The following LRP1B variants were observed in gnomAD, a reference collection of about 807,000 sequenced individuals.
LRP1B encodes the protein low-density lipoprotein receptor-related protein 1B.
A neutral mutation model predicts 556.6 loss-of-function variants in LRP1B; 217 were observed. The observed-to-expected ratio is 0.39, with a 90% CI of 0.35 to 0.44. LRP1B has a LOEUF of 0.44. Among genes scored for constraint, LRP1B ranks in the 20% least tolerant of loss-of-function variants. LRP1B has a pLI of 1.00. For synonymous variants in LRP1B, 2,047 were observed against 1,865.8 expected, an observed-to-expected ratio of 1.10 and a Z score of -2.50; for missense variants, 5,053 against 5,620.8, an observed-to-expected ratio of 0.90 and a Z score of 3.23.
intron 1 of LRP1B, among the ~76,000 whole-genome samples, chr2:142,016,168 TAGTC>T (rs1313887695): frequency 2.6e-5 from 4 of 151,892 alleles, no homozygotes; most frequent in East Asian, 1.9e-4. Flanking sequence ...GATCATTAAA[TAGTC>T]AGGAAACAGA....
intron 1 of LRP1B, among the ~76,000 whole-genome samples, chr2:142,127,572 G>C (rs1003319441): frequency 8.6e-5 from 13 of 151,866 alleles, no homozygotes; most frequent in African/African-American, 1.9e-4. Flanking sequence ...ATTTGAGCTT[G>C]AGAAGAGAGA....
intron 59 of LRP1B, among the ~76,000 whole-genome samples, chr2:140,475,956 A>G (rs1687956308): frequency 6.6e-6 from 1 of 151,996 alleles, no homozygotes; most frequent in South Asian, 2.1e-4. Flanking sequence ...TTCCATTATC[A>G]CAGAAAGTTC....
chr2:141,259,875 G>A (rs1314407503), intron 3 of LRP1B, among the ~76,000 whole-genome samples: 4 of 149,968 alleles, frequency 2.7e-5, no homozygotes, highest in African/African-American at 9.8e-5. Flanking sequence ...CTGACACATA[G>A]TAACTATTTT....
At chr2:141,913,977 A>G (rs1699969966) in intron 1 of LRP1B, among the ~76,000 whole-genome samples, 1 of 152,008 alleles carries the variant, frequency 6.6e-6, no homozygotes, top group African/African-American at 2.4e-5. Flanking sequence ...CGATCTCCTG[A>G]CCTCATGATC....
Position 141,266,614 on chromosome 2 carries a change from G to A in LRP1B, c.344-11973C>T, listed in dbSNP as rs143515482. 6.8e-3 allele frequency among the ~76,000 whole-genome samples: 1,040 copies of A among 152,242 alleles called. 4 individuals are homozygous for A. Among genetic ancestry groups the A allele is most frequent in the Non-Finnish European group, 0.012 (843 of 68,010 alleles). On this transcript the variant is annotated intron_variant, in intron 3 of 90. Transcript: ENST00000389484. ...CCTGCAAGTTAAGAAATCACTCAGA[G>A]AAAGAGCCCCAACCACCTCAACTCA... is the stretch of plus-strand genomic sequence containing the variant.
At chr2:140,891,025 T>C (rs1693781848) in intron 23 of LRP1B, among the ~76,000 whole-genome samples, 1 of 152,130 alleles carries the variant, frequency 6.6e-6, no homozygotes, top group Admixed American at 6.5e-5. Flanking sequence ...TTCTATCTCA[T>C]AAACGACTGA....
At chr2:141,536,995 T>G (rs947846461) in intron 2 of LRP1B, among the ~76,000 whole-genome samples, 1 of 150,772 alleles carries the variant, frequency 6.6e-6, no homozygotes, top group African/African-American at 2.4e-5. Flanking sequence ...AAATGATAAA[T>G]GAGAAAAGAA....
At chr2:141,717,904 A>G (rs531277740) in intron 2 of LRP1B, among the ~76,000 whole-genome samples, 6 of 152,354 alleles carry the variant, frequency 3.9e-5, no homozygotes, top group Admixed American at 2.0e-4. Context: ...ACATTAAACA[A>G]CTATCCAAGT....
chr2:140,608,818 A>G (rs1263264838), intron 41 of LRP1B, among the ~76,000 whole-genome samples: 1 of 150,748 alleles, frequency 6.6e-6, no homozygotes. Flanking sequence ...TTAAAGTGAC[A>G]GTGATTTGTT....
chr2:140,779,586 T>G (rs1414025267), intron 32 of LRP1B, among the ~76,000 whole-genome samples: 1 of 150,936 alleles, frequency 6.6e-6, no homozygotes, highest in African/African-American at 2.4e-5. Flanking sequence ...TCCCAGCTAC[T>G]CAGGAGGCTG....
At chr2:141,331,705 G>T (rs1411877319) in intron 3 of LRP1B, among the ~76,000 whole-genome samples, 1 of 152,180 alleles carries the variant, frequency 6.6e-6, no homozygotes, top group Admixed American at 6.5e-5. Flanking sequence ...AGGATAGGGA[G>T]CATTCTTTGT....
chr2:140,804,648 AATTTTTTTT>A (rs1184657670), intron 32 of LRP1B, among the ~76,000 whole-genome samples: 32 of 103,892 alleles, frequency 3.1e-4, no homozygotes, highest in Admixed American at 1.1e-3. Flanking sequence ...GGTAAAAACT[AATTTTTTTT>A]TTTTTTTTTT....
intron 27 of LRP1B, among the ~76,000 whole-genome samples, chr2:140,866,376 T>C (rs1244207149): frequency 1.3e-5 from 2 of 152,120 alleles, no homozygotes; most frequent in African/African-American, 4.8e-5. Context: ...ATTCAATATA[T>C]CTACTAAATC....
intron 41 of LRP1B, among the ~76,000 whole-genome samples, chr2:140,697,584 A>C (rs1686477175): frequency 6.6e-6 from 1 of 152,166 alleles, no homozygotes; most frequent in Admixed American, 6.6e-5. Flanking sequence ...GTATGTACAT[A>C]CAGTGAAATA....
chr2:140,953,355 C>G (rs939127371), intron 18 of LRP1B, among the ~76,000 whole-genome samples: 1 of 152,158 alleles, frequency 6.6e-6, no homozygotes, highest in Admixed American at 6.5e-5. Flanking sequence ...TCTCAAAGTG[C>G]TGGGATTACA....
intron 7 of LRP1B, among the ~76,000 whole-genome samples, chr2:141,077,294 A>T (rs1469382936): frequency 6.6e-6 from 1 of 152,158 alleles, no homozygotes; most frequent in African/African-American, 2.4e-5. Context: ...AAAGTAGGCT[A>T]TGCAATACTG....
chr2:141,038,744 G>C (rs1335143382), intron 11 of LRP1B, among the ~76,000 whole-genome samples: 2 of 152,044 alleles, frequency 1.3e-5, no homozygotes, highest in East Asian at 3.9e-4. Context: ...TTTAATTGTA[G>C]TTAAAGTTCA....
chr2:142,113,454 A>G (rs1707072439), intron 1 of LRP1B, among the ~76,000 whole-genome samples: 2 of 150,376 alleles, frequency 1.3e-5, no homozygotes, highest in African/African-American at 4.9e-5. Flanking sequence ...GAGTTTTTAG[A>G]GAATGAGGTT....
At chr2:140,514,975 C>T (rs997774587) in intron 50 of LRP1B, among the ~76,000 whole-genome samples, 3 of 151,852 alleles carry the variant, frequency 2.0e-5, no homozygotes, top group African/African-American at 4.8e-5. Context: ...GATACAACCA[C>T]GATTTGTTCA....
Sources: allele counts gnomAD v4.1 joint callset (sites outside exome capture counted in the v4.1 genomes callset), GRCh38; gene constraint gnomAD v4.1.1; transcripts MANE v1.5; gene names NCBI Gene and HGNC (gene_info 2026-07-23, HGNC 2026-07-21).